TRMT9B: variants seen among roughly 807,000 people sequenced by gnomAD.
TRMT9B encodes the protein tRNA methyltransferase 9B (putative).
In TRMT9B, 16 loss-of-function variants were observed where a neutral mutation model predicts 11.5. The observed-to-expected ratio is 1.39, with a 90% CI of 0.94 to 2.11. The LOEUF is 2.11. Among genes scored for constraint, TRMT9B ranks in the 30% most tolerant of loss-of-function variants. TRMT9B has a pLI of 0.00. For synonymous variants in TRMT9B, 274 were observed against 192.4 expected (o/e 1.42, Z -3.51); for missense variants, 941 against 553.8 (o/e 1.70, Z -7.02).
chr8:13,009,726 A>T (rs1019771123), intron 3 of TRMT9B, among the ~76,000 whole-genome samples: 2 of 152,154 alleles, frequency 1.3e-5, no homozygotes, highest in Non-Finnish European at 2.9e-5. Context: ...TTCCATATTT[A>T]TATTTATTAT....
intron 1 of TRMT9B, among the ~76,000 whole-genome samples, chr8:12,983,588 T>G (rs1805764126): frequency 6.6e-6 from 1 of 152,122 alleles, no homozygotes; most frequent in Non-Finnish European, 1.5e-5. Flanking sequence ...GACAATCGCT[T>G]GAATCCAGGA....
At chr8:12,956,255 A>G (rs571652220) in intron 1 of TRMT9B, among the ~76,000 whole-genome samples, 2 of 152,288 alleles carry the variant, frequency 1.3e-5, no homozygotes, top group East Asian at 1.9e-4. Flanking sequence ...TATCTAAAAT[A>G]TATTTCATCC....
At chr8:12,998,568 C>A (rs143105520) in intron 2 of TRMT9B, among the ~76,000 whole-genome samples, 16 of 152,266 alleles carry the variant, frequency 1.1e-4, no homozygotes, top group African/African-American at 3.4e-4. Context: ...AGCCTATTAC[C>A]CTGGCCTCTG....
intron 1 of TRMT9B, among the ~76,000 whole-genome samples, chr8:12,978,915 A>G (rs17122808): frequency 0.038 from 5,828 of 152,304 alleles, 122 homozygotes; most frequent in Middle Eastern, 0.078. Flanking sequence ...CAGAATCTGT[A>G]TGCGTGGATA....
intron 4 of TRMT9B, 85 bp from the exon 5 acceptor site, chr8:13,020,923 C>T (rs1212000563): frequency 1.1e-6 from 1 of 874,506 alleles, no homozygotes; most frequent in Non-Finnish European, 1.7e-6. Context: ...AAAATTTCAT[C>T]CTTGTTATAT....
At chr8:12,963,904 T>A (rs1249999074) in intron 1 of TRMT9B, among the ~76,000 whole-genome samples, 1 of 152,216 alleles carries the variant, frequency 6.6e-6, no homozygotes, top group African/African-American at 2.4e-5. Flanking sequence ...CCCATATGGG[T>A]TCTAGTCCTT....
At chr8:12,981,116 A>G (rs566810156) in intron 1 of TRMT9B, among the ~76,000 whole-genome samples, 125 of 149,084 alleles carry the variant, frequency 8.4e-4, no homozygotes, top group Non-Finnish European at 1.6e-3. Context: ...GTTTCTCCAT[A>G]ATAGAAGCAA....
intron 2 of TRMT9B, among the ~76,000 whole-genome samples, chr8:13,003,952 C>G (rs1226576549): frequency 6.6e-6 from 1 of 151,696 alleles, no homozygotes; most frequent in South Asian, 2.1e-4. Flanking sequence ...CTCCAACTCC[C>G]TGGCAGCAGC....
chr8:12,992,210 G>A (rs1314938736), intron 2 of TRMT9B, among the ~76,000 whole-genome samples: 4 of 152,152 alleles, frequency 2.6e-5, no homozygotes, highest in Admixed American at 2.0e-4. Context: ...GTACAGATGA[G>A]ACATAGATAG....
chr8:13,006,152 A>G (rs1447090295), intron 2 of TRMT9B, 50 bp from the exon 3 acceptor site: 11 of 1,572,180 alleles, frequency 7.0e-6, no homozygotes, highest in South Asian at 1.1e-5. Context: ...TCAGCCATCT[A>G]TGGTGCATAG....
Position 13,024,511 on chromosome 8 carries a change from T to C in TRMT9B, c.*2467T>C, listed in dbSNP as rs1036373644. The C allele has an allele frequency of 6.0e-6, 1 of 167,124 alleles. No homozygotes were observed. The highest frequency in any genetic ancestry group is 1.5e-5 in the Non-Finnish European group (1 of 68,134). 10.4% of individuals were successfully genotyped at this position (167,124 alleles called of 1,614,324 possible). A position where few individuals can be genotyped will look rare whatever the true frequency, so the allele number is the denominator to read the frequency against. ...TGAAGCCTATTGTCACATGGGTTTT[T>C]AATCCTGGCCTTGCTGCTAGAAATC... On this transcript the variant is annotated 3_prime_UTR_variant, in exon 5 of 5. Transcript: ENST00000524591.
chr8:13,002,831 C>T lies in TRMT9B; in HGVS notation c.-1-3371C>T, dbSNP rs1156944045. Among the ~76,000 whole-genome samples the T allele has an allele frequency of 3.9e-5, 6 of 152,138 alleles. No homozygotes were observed. The South Asian group carries it at 8.3e-4, about 21-fold the overall frequency. ...CGTCTTACCCAAGTACTTCCCACTT[C>T]CCAGGATAGGGGTAGAGGTGCGGGG... On this transcript the variant is annotated intron_variant, in intron 2 of 4. Transcript: ENST00000524591.
At chr8:12,966,706 A>G (rs903741221) in intron 1 of TRMT9B, among the ~76,000 whole-genome samples, 1 of 152,204 alleles carries the variant, frequency 6.6e-6, no homozygotes, top group Non-Finnish European at 1.5e-5. Context: ...CATCCAATGT[A>G]TGAGAGTAAG....
intron 2 of TRMT9B, among the ~76,000 whole-genome samples, chr8:13,001,252 A>C (rs542086208): frequency 6.6e-6 from 1 of 152,238 alleles, no homozygotes; most frequent in African/African-American, 2.4e-5. Flanking sequence ...TCAAATTCTC[A>C]AGACTGGGTC....
At chr8:13,014,519 T>A (rs1408416656) in intron 4 of TRMT9B, among the ~76,000 whole-genome samples, 2 of 152,088 alleles carry the variant, frequency 1.3e-5, no homozygotes, top group Non-Finnish European at 2.9e-5. Flanking sequence ...TCTCTTCTTA[T>A]AAATAGGCCA....
chr8:12,976,249 A>G (rs1175517462), intron 1 of TRMT9B, among the ~76,000 whole-genome samples: 2 of 152,082 alleles, frequency 1.3e-5, no homozygotes, highest in African/African-American at 4.8e-5. Context: ...AGCTCCGAAG[A>G]TTTTCCACAT....
At chr8:13,012,306 G>C in intron 3 of TRMT9B, 3 of 985,618 alleles carry the variant, frequency 3.0e-6, no homozygotes, top group Non-Finnish European at 3.6e-6. Flanking sequence ...GCCAGGCACA[G>C]TGGCTTGCAC....
chr8:12,958,852 C>T (rs1185235373), intron 1 of TRMT9B: 2 of 152,194 alleles, frequency 1.3e-5, no homozygotes, highest in Non-Finnish European at 2.9e-5. Flanking sequence ...AGTCAGAAAA[C>T]CAGACACCAC....
rs1462636138 is a variant in TRMT9B at position 13,023,470 on chromosome 8, G to C, written c.*1426G>C. On this transcript the variant is annotated 3_prime_UTR_variant, in exon 5 of 5. Transcript: ENST00000524591. ...TTACAGGTTGAATTTCTGTCACTTT[G>C]TAGAGAAACGAATAGACTGGACACT... 6.0e-6 allele frequency: 1 copy of C among 167,068 alleles called. No individual in the cohort carries two copies. Among genetic ancestry groups the C allele is most frequent in the African/African-American group, 2.4e-5 (1 of 41,454 alleles). 10.3% of individuals were successfully genotyped at this position (167,068 alleles called of 1,614,324 possible).
Sources: gnomAD v4.1 joint callset for allele counts (sites outside exome capture counted in the v4.1 genomes callset) on GRCh38, gnomAD v4.1.1 for gene constraint, MANE v1.5 for transcripts, NCBI Gene and HGNC (gene_info 2026-07-23, HGNC 2026-07-21) for gene names.